Variants in ANKRD12 observed in about 807,000 individuals in gnomAD.
ANKRD12 encodes the protein ankyrin repeat domain 12, also known as ankyrin repeat domain-containing protein 12.
ANKRD12 carries 85 observed loss-of-function variants against 183.4 expected under a neutral mutation model. That is an observed-to-expected ratio of 0.46 (90% CI 0.39 to 0.56). The LOEUF (loss-of-function observed/expected upper bound fraction) is 0.56, where lower values mean the gene tolerates loss of function less well. Among genes scored for constraint, ANKRD12 ranks in the 20% least tolerant of loss-of-function variants. The probability of loss-of-function intolerance (pLI) is 0.00; values close to 1 mark genes in which losing one functional copy is unlikely to be tolerated. For synonymous variants in ANKRD12, 914 were observed against 800.2 expected, an observed-to-expected ratio of 1.14 and a Z score of -2.40; for missense variants, 2,405 against 2,357.1, an observed-to-expected ratio of 1.02 and a Z score of -0.42.
chr18:9,150,818 T>C (rs1405942623), intron 1 of ANKRD12, among the ~76,000 whole-genome samples: 1 of 152,090 alleles, frequency 6.6e-6, no homozygotes, highest in Non-Finnish European at 1.5e-5. Flanking sequence ...CACACCTGGC[T>C]AATTTTTTGT....
chr18:9,245,999 A>G lies in ANKRD12; in HGVS notation c.944-8212A>G, dbSNP rs541409129. Among the ~76,000 whole-genome samples the G allele has an allele frequency of 3.3e-5, 5 of 152,350 alleles. No individual in the cohort carries two copies. In the South Asian group the frequency reaches 8.3e-4, roughly 25 times the overall value. On this transcript the variant is annotated intron_variant, in intron 8 of 12. Coordinates refer to ENST00000262126, the MANE Select transcript of ANKRD12 (RefSeq NM_015208.5). ...TGTAACTCTGCCACTTACTAGCTTT[A>G]TGGTCATGACAGATGTATTATTAGC...
intron 12 of ANKRD12, among the ~76,000 whole-genome samples, chr18:9,280,020 G>T (rs2040035122): frequency 6.6e-6 from 1 of 152,084 alleles, no homozygotes; most frequent in East Asian, 1.9e-4. Context: ...TTCCCCCCTA[G>T]ATTTTCATGT....
At chr18:9,242,928 G>A (rs1206793582) in intron 8 of ANKRD12, among the ~76,000 whole-genome samples, 1 of 152,140 alleles carries the variant, frequency 6.6e-6, no homozygotes, top group African/African-American at 2.4e-5. Context: ...GAACAGATGT[G>A]TATGACTTCT....
chr18:9,191,183 T>C (rs1206349706), intron 2 of ANKRD12, among the ~76,000 whole-genome samples: 1 of 152,224 alleles, frequency 6.6e-6, no homozygotes, highest in Non-Finnish European at 1.5e-5. Context: ...AAAAAGACTC[T>C]AGAAATATTT....
intron 10 of ANKRD12, among the ~76,000 whole-genome samples, chr18:9,273,499 G>A (rs1192379028): frequency 6.6e-6 from 1 of 152,178 alleles, no homozygotes; most frequent in Non-Finnish European, 1.5e-5. Context: ...TGCTGGTGAG[G>A]ATGTGAAGAA....
chr18:9,209,432 A>G (rs2035659475), intron 5 of ANKRD12, among the ~76,000 whole-genome samples: 1 of 152,204 alleles, frequency 6.6e-6, no homozygotes. Flanking sequence ...ATTCAAAGCA[A>G]TTTTATGTAA....
At position 9,160,471 on chromosome 18, in the gene ANKRD12, G is replaced by T. The variant is rs1201301001; in HGVS notation, c.-51-21911G>T. ...TTTAGTATATTCACAGTGATGTGCA[G>T]CTATTGCCACTGCCTGATTCCAGAA... On this transcript the variant is annotated intron_variant, in intron 1 of 12. Coordinates refer to ENST00000262126, the MANE Select transcript of ANKRD12 (RefSeq NM_015208.5). 2.0e-5 allele frequency among the ~76,000 whole-genome samples: 3 copies of T among 152,182 alleles called. No homozygotes were observed. The East Asian group carries it at 5.8e-4, about 29-fold the overall frequency.
intron 1 of ANKRD12, among the ~76,000 whole-genome samples, chr18:9,178,169 T>G (rs766156006): frequency 4.5e-4 from 69 of 152,220 alleles, no homozygotes; most frequent in South Asian, 1.2e-3. Flanking sequence ...ATTTCTGCTT[T>G]TCATTACCTA....
intron 3 of ANKRD12, among the ~76,000 whole-genome samples, chr18:9,199,335 A>G (rs377488145): frequency 1.2e-4 from 19 of 152,252 alleles, no homozygotes; most frequent in African/African-American, 4.6e-4. Context: ...ATGAAACAGT[A>G]TGTGCTATTT....
At chr18:9,261,115 C>T (rs1304369404) in intron 9 of ANKRD12, among the ~76,000 whole-genome samples, 1 of 152,206 alleles carries the variant, frequency 6.6e-6, no homozygotes, top group Non-Finnish European at 1.5e-5. Context: ...CACACCAACA[C>T]AATAGTAAGC....
chr18:9,236,664 A>G (rs1293781452), intron 8 of ANKRD12, among the ~76,000 whole-genome samples: 5 of 152,332 alleles, frequency 3.3e-5, no homozygotes, highest in South Asian at 4.1e-4. Flanking sequence ...TAACGTGTAT[A>G]ATAGTTATTT....
At chr18:9,216,652 G>T in intron 6 of ANKRD12, 106 bp from the exon 7 acceptor site, 18 of 1,077,780 alleles carry the variant, frequency 1.7e-5, no homozygotes, top group South Asian at 5.5e-5. Context: ...TTTTTTGCAC[G>T]ATGTGCAGTT....
Position 9,247,113 on chromosome 18 carries a change from G to T in ANKRD12, c.944-7098G>T, listed in dbSNP as rs182279383. Among the ~76,000 whole-genome samples, 591 of 152,118 alleles carry T rather than the reference G, an allele frequency of 3.9e-3. 3 individuals are homozygous for T. The highest frequency in any genetic ancestry group is 0.013 in the African/African-American group (526 of 41,510). On this transcript the variant is annotated intron_variant, in intron 8 of 12. Coordinates refer to ENST00000262126, the MANE Select transcript of ANKRD12 (RefSeq NM_015208.5). ...TGTTTGACTGTTACACTTTCTGTTG[G>T]GCAAAAAGGATGCTGAAAATGAAAT... is the stretch of plus-strand genomic sequence containing the variant.
intron 1 of ANKRD12, among the ~76,000 whole-genome samples, chr18:9,173,628 A>AGGGGGGGGGGGGGGGGGGG (rs775694472): frequency 2.0e-5 from 1 of 51,254 alleles, no homozygotes; most frequent in Non-Finnish European, 4.0e-5. Flanking sequence ...GGGGGGGGGT[A>AGGGGGGGGGGGGGGGGGGG]GGGGGGGCAG....
At chr18:9,227,647 A>G (rs1048643767) in intron 8 of ANKRD12, among the ~76,000 whole-genome samples, 6 of 152,076 alleles carry the variant, frequency 3.9e-5, no homozygotes, top group African/African-American at 1.4e-4. Context: ...AGATGTTGAA[A>G]CCCATGAGTT....
chr18:9,259,013 T>A, intron 9 of ANKRD12, 82 bp downstream of exon 9: 1 of 1,429,924 alleles, frequency 7.0e-7, no homozygotes, highest in Non-Finnish European at 9.3e-7. Flanking sequence ...AATTTGAAGT[T>A]TTCTAGTAGA....
At chr18:9,234,998 G>A (rs1779091033) in intron 8 of ANKRD12, among the ~76,000 whole-genome samples, 1 of 152,136 alleles carries the variant, frequency 6.6e-6, no homozygotes. Flanking sequence ...TGCCTCAAGA[G>A]TTTCCTGTGA....
At chr18:9,162,746 A>G (rs547711991) in intron 1 of ANKRD12, among the ~76,000 whole-genome samples, 1 of 152,136 alleles carries the variant, frequency 6.6e-6, no homozygotes, top group African/African-American at 2.4e-5. Flanking sequence ...CGCCATTCTG[A>G]CTGGCATGAG....
rs1172107230 is a variant in ANKRD12, at chr18:9,255,548, T to A, written c.2281T>A (p.Ser761Thr). ...RDKIKKESEKSFREEKIKDLK... is the reference protein window; with the variant it reads ...RDKIKKESEKTFREEKIKDLK... ...CAAGATTAAAAAGGAAAGCGAGAAA[T>A]CTTTTAGGGAGGAAAAAATAAAAGA... is the stretch of plus-strand genomic sequence containing the variant. The change falls in exon 9 of 13, where the codon TCT becomes ACT. Residue 761 changes from serine (S) to threonine (T), a missense_variant. By Grantham distance (58) the Ser-to-Thr change is moderately conservative (BLOSUM62 1). Coordinates refer to ENST00000262126, the MANE Select transcript of ANKRD12 (RefSeq NM_015208.5). 1.3e-6 allele frequency: 2 copies of A among 1,574,348 alleles called. No homozygotes were observed. Among genetic ancestry groups the A allele is most frequent in the Non-Finnish European group, 1.7e-6 (2 of 1,169,638 alleles).
Sources: allele counts gnomAD v4.1 joint callset (sites outside exome capture counted in the v4.1 genomes callset), GRCh38; gene constraint gnomAD v4.1.1; transcripts MANE v1.5; gene names NCBI Gene and HGNC (gene_info 2026-07-23, HGNC 2026-07-21).